SMAD7: variants seen among roughly 807,000 people sequenced by gnomAD.
SMAD7 encodes the protein MAD (mothers against decapentaplegic, Drosophila) homolog 7.
A neutral mutation model predicts 38.7 loss-of-function variants in SMAD7; 8 were observed. The observed-to-expected ratio is 0.21, with a 90% CI of 0.12 to 0.37. SMAD7 has a LOEUF of 0.37. SMAD7 is among the 10% of genes least tolerant of loss of function. SMAD7 has a pLI of 1.00. For missense variants in SMAD7, 477 were observed against 577.9 expected (o/e 0.83, Z 1.79); for synonymous variants, 327 against 265.1 (o/e 1.23, Z -2.27).
intron 2 of SMAD7, among the ~76,000 whole-genome samples, chr18:48,945,610 G>A (rs565117365): frequency 8.3e-4 from 126 of 152,266 alleles, no homozygotes; most frequent in African/African-American, 2.9e-3. Context: ...AAGAGGCCTA[G>A]AAAAGTTAAG....
intron 3 of SMAD7, among the ~76,000 whole-genome samples, chr18:48,938,169 T>G (rs958605126): frequency 3.3e-5 from 5 of 152,188 alleles, no homozygotes; most frequent in African/African-American, 1.2e-4. Context: ...TATATAGGTA[T>G]TTTTGAAGGC....
intron 3 of SMAD7, among the ~76,000 whole-genome samples, chr18:48,924,871 C>A (rs2069907234): frequency 1.3e-5 from 2 of 152,236 alleles, no homozygotes; most frequent in African/African-American, 4.8e-5. Flanking sequence ...GTGTGGACAT[C>A]ACACCTTCTG....
intron 2 of SMAD7, among the ~76,000 whole-genome samples, chr18:48,946,396 G>A (rs2070195307): frequency 6.6e-6 from 1 of 150,450 alleles, no homozygotes; most frequent in African/African-American, 2.4e-5. Context: ...GGCCACAGCA[G>A]CTGGCAAAAC....
chr18:48,950,426 CG>C lies in SMAD7; in HGVS notation c.-3del. Reference sequence around the variant, plus strand: ...CGCAGATCGTTTGGTCCTGAACATGCGGGGCGAGGAGGCGAGGAGAAAAGTC... The same window carrying C: ...CGCAGATCGTTTGGTCCTGAACATGCGGGCGAGGAGGCGAGGAGAAAAGTC... On this transcript the variant is annotated 5_prime_UTR_variant, in exon 1 of 4. Transcript: ENST00000262158. 1 of 1,547,022 alleles carries C rather than the reference CG, an allele frequency of 6.5e-7. No homozygotes were observed. The highest frequency in any genetic ancestry group is 1.2e-5 in the South Asian group (1 of 83,522).
intron 1 of SMAD7, among the ~76,000 whole-genome samples, chr18:48,949,030 G>A (rs1010542407): frequency 2.6e-5 from 4 of 152,240 alleles, no homozygotes; most frequent in East Asian, 1.9e-4. Flanking sequence ...AGGATAAAAG[G>A]AAAGGAGTTT....
chr18:48,940,737 C>T (rs60789262), intron 3 of SMAD7, among the ~76,000 whole-genome samples: 9,065 of 150,368 alleles, frequency 0.06, 369 homozygotes, highest in East Asian at 0.12. Flanking sequence ...GGTGACAGAG[C>T]GAGACTCCGT....
At chr18:48,940,737 C>G (rs60789262) in intron 3 of SMAD7, among the ~76,000 whole-genome samples, 1 of 150,290 alleles carries the variant, frequency 6.7e-6, no homozygotes, top group Admixed American at 6.6e-5. Context: ...GGTGACAGAG[C>G]GAGACTCCGT....
intron 3 of SMAD7, among the ~76,000 whole-genome samples, chr18:48,938,468 G>A (rs1243342366): frequency 2.0e-5 from 3 of 152,196 alleles, no homozygotes; most frequent in African/African-American, 7.2e-5. Flanking sequence ...ATCCATGGGA[G>A]CACTTCTTTT....
chr18:48,921,160 A>C lies in SMAD7; in HGVS notation c.*212T>G. The C allele has an allele frequency of 1.8e-6, 1 of 562,126 alleles. No individual in the cohort carries two copies. The highest frequency in any genetic ancestry group is 2.3e-5 in the South Asian group (1 of 42,776). 34.8% of individuals were successfully genotyped at this position (562,126 alleles called of 1,614,324 possible). A position where few individuals can be genotyped will look rare whatever the true frequency, so the allele number is the denominator to read the frequency against. On this transcript the variant is annotated 3_prime_UTR_variant, in exon 4 of 4. Transcript: ENST00000262158. The surrounding 1 kb of genome is among the most constrained non-coding windows in gnomAD (Gnocchi z 6.4). ...TCATACCTGCCCCTTCTTCCAAAAAAACCCCCAACAATTCTTTTCATAAGC... is the reference window on the plus strand; with the variant it reads ...TCATACCTGCCCCTTCTTCCAAAAACACCCCCAACAATTCTTTTCATAAGC...
intron 3 of SMAD7, chr18:48,930,219 C>G (rs528224939): frequency 1.3e-5 from 2 of 152,710 alleles, no homozygotes; most frequent in Admixed American, 1.3e-4. Flanking sequence ...CTGGAGACAG[C>G]GTGCAGACTG....
chr18:48,941,274 C>G (rs1428740455), intron 3 of SMAD7, among the ~76,000 whole-genome samples: 3 of 152,150 alleles, frequency 2.0e-5, no homozygotes, highest in African/African-American at 7.2e-5. Context: ...TTTTCCTGCT[C>G]AATTCTCATT....
intron 3 of SMAD7, among the ~76,000 whole-genome samples, chr18:48,933,023 G>A (rs1269226943): frequency 1.3e-5 from 2 of 152,108 alleles, no homozygotes; most frequent in African/African-American, 4.8e-5. Flanking sequence ...GTACTACCAG[G>A]GTCTGGAGGG....
Position 48,920,230 on chromosome 18 carries a change from G to A in SMAD7, c.*1142C>T, listed in dbSNP as rs911136945. The A allele has an allele frequency of 6.6e-6, 1 of 152,176 alleles. No homozygotes were observed. The highest frequency in any genetic ancestry group is 1.5e-5 in the Non-Finnish European group (1 of 67,974). 9.4% of individuals were successfully genotyped at this position (152,176 alleles called of 1,614,324 possible). On this transcript the variant is annotated 3_prime_UTR_variant, in exon 4 of 4. Transcript: ENST00000262158. ...GCTTCTCTTGTTCATTTAAACCTTT[G>A]TAGTTAGAAAAATAGCTTATGTTAA...
At chr18:48,922,250 G>A (rs1299597865) in intron 3 of SMAD7, among the ~76,000 whole-genome samples, 1 of 152,218 alleles carries the variant, frequency 6.6e-6, no homozygotes, top group Non-Finnish European at 1.5e-5. Flanking sequence ...TGGGTAGTCT[G>A]CTTTTAGGGC....
rs759764449 is a variant in SMAD7 at position 48,921,518 on chromosome 18, G to A, written c.1135C>T (p.Arg379Trp). ...FDYEKAYSLQRPNDHEFMQQP... is the reference protein window; with the variant it reads ...FDYEKAYSLQWPNDHEFMQQP... The stretch of plus-strand genomic sequence containing the variant: ...TGCATAAACTCGTGGTCATTGGGCC[G>A]CTGCAGGCTGTACGCCTTCTCGTAG... The change falls in exon 4 of 4, where the codon CGG becomes TGG. Residue 379 changes from arginine (R) to tryptophan (W), a missense_variant. Transcript: ENST00000262158. This position sits in a 1 kb window ranked among gnomAD's most constrained non-coding sequence, Gnocchi z 6.4. 2.5e-6 allele frequency: 4 copies of A among 1,614,112 alleles called. No homozygotes were observed. The highest frequency in any genetic ancestry group is 2.5e-6 in the Non-Finnish European group (3 of 1,180,046).
chr18:48,947,872 G>C (rs2070211955), intron 2 of SMAD7, among the ~76,000 whole-genome samples: 1 of 148,804 alleles, frequency 6.7e-6, no homozygotes, highest in Admixed American at 6.7e-5. Context: ...ACTTGCAGGT[G>C]ACTGGAGCAG....
At chr18:48,926,800 G>A (rs1343781755) in intron 3 of SMAD7, among the ~76,000 whole-genome samples, 1 of 152,160 alleles carries the variant, frequency 6.6e-6, no homozygotes, top group South Asian at 2.1e-4. Flanking sequence ...ACATCTCAAA[G>A]GTTAACAGCA....
At chr18:48,939,061 C>T (rs935506922) in intron 3 of SMAD7, among the ~76,000 whole-genome samples, 5 of 152,170 alleles carry the variant, frequency 3.3e-5, no homozygotes, top group African/African-American at 1.2e-4. Flanking sequence ...AGGGACCCAC[C>T]CTATCCCAGA....
At position 48,948,431 on chromosome 18, in the gene SMAD7, G is replaced by GA; in HGVS notation, c.619_620insT (p.Pro207LeufsTer28). The stretch of plus-strand genomic sequence containing the variant: ...CGGGTATCTGGAGTAAGGAGGGGGG[G>GA]GAGACTCTGAAATTAAAAAAGCAAG... On this transcript the variant is annotated frameshift_variant, in exon 2 of 4. Transcript: ENST00000262158. LOFTEE classifies it high-confidence loss of function. The GA allele has an allele frequency of 6.3e-7, 1 of 1,593,612 alleles. No homozygotes were observed. Among genetic ancestry groups the GA allele is most frequent in the Non-Finnish European group, 8.5e-7 (1 of 1,171,670 alleles).
Sources: gnomAD v4.1 joint callset for allele counts (sites outside exome capture counted in the v4.1 genomes callset) on GRCh38, gnomAD v4.1.1 for gene constraint, Gnocchi (gnomAD v3.1) non-coding constraint, MANE v1.5 for transcripts, NCBI Gene and HGNC (gene_info 2026-07-23, HGNC 2026-07-21) for gene names.